The following NUDCD3 variants were observed in gnomAD, a reference collection of about 807,000 sequenced individuals.
The protein encoded by NUDCD3 is nudC domain-containing protein 3.
Under a neutral mutation model 39.7 loss-of-function variants are expected in NUDCD3, and 13 were observed. That is an observed-to-expected ratio of 0.33 (90% CI 0.21 to 0.52). NUDCD3 has a LOEUF of 0.52. Among genes scored for constraint, NUDCD3 ranks in the 20% least tolerant of loss-of-function variants. The pLI is 0.96. For synonymous variants in NUDCD3, 175 were observed against 172.4 expected, an observed-to-expected ratio of 1.02 and a Z score of -0.12; for missense variants, 453 against 458.1, an observed-to-expected ratio of 0.99 and a Z score of 0.10.
chr7:44,384,506 AGACTTCCCAG>A lies in NUDCD3; in HGVS notation c.*1495_*1504del, dbSNP rs1798366764. ...GGAGCAACATGTTTGGACCCACAGA[AGACTTCCCAG>A]GAATGCTTTCTTACAAGGGGTGTCA... On this transcript the variant is annotated 3_prime_UTR_variant, in exon 6 of 6. Coordinates refer to ENST00000355451, the MANE Select transcript of NUDCD3 (RefSeq NM_015332.4). The A allele has an allele frequency of 6.6e-6, 1 of 152,188 alleles. No individual in the cohort carries two copies. Among genetic ancestry groups the A allele is most frequent in the Non-Finnish European group, 1.5e-5 (1 of 68,048 alleles). The allele number at this position is 152,188 out of a possible 1,614,324, so 9.4% of individuals were successfully genotyped here.
At chr7:44,411,827 C>A (rs969897279) in intron 3 of NUDCD3, among the ~76,000 whole-genome samples, 1 of 152,148 alleles carries the variant, frequency 6.6e-6, no homozygotes, top group Non-Finnish European at 1.5e-5. Context: ...AAACATATGT[C>A]CAGAGAACTG....
intron 3 of NUDCD3, among the ~76,000 whole-genome samples, chr7:44,422,932 G>A (rs995887771): frequency 1.1e-4 from 16 of 151,958 alleles, no homozygotes; most frequent in Non-Finnish European, 2.4e-4. Context: ...ACATCAAAAA[G>A]CTTATCTACT....
intron 2 of NUDCD3, among the ~76,000 whole-genome samples, chr7:44,472,696 G>T (rs1800277961): frequency 6.6e-6 from 1 of 152,140 alleles, no homozygotes; most frequent in Non-Finnish European, 1.5e-5. Flanking sequence ...TAGATACAAA[G>T]AATGGAAAAA....
In NUDCD3 at chr7:44,385,549, T is replaced by C. The variant is rs1798387534; in HGVS notation, c.*462A>G. ...AGCCTCAGGCACAGCCATTCCTTGC[T>C]TGCCCTCATGCAAGCACAGAGCTTC... On this transcript the variant is annotated 3_prime_UTR_variant, in exon 6 of 6. Coordinates refer to ENST00000355451, the MANE Select transcript of NUDCD3 (RefSeq NM_015332.4). The C allele has an allele frequency of 6.3e-6, 1 of 159,694 alleles. No individual in the cohort carries two copies. Among genetic ancestry groups the C allele is most frequent in the African/African-American group, 2.4e-5 (1 of 41,534 alleles). The allele number at this position is 159,694 out of a possible 1,614,324, so 9.9% of individuals were successfully genotyped here.
rs1799262194 is a variant in NUDCD3 at position 44,427,580 on chromosome 7, C to T, written c.633G>A (p.Lys211=). 2.5e-6 allele frequency: 4 copies of T among 1,612,730 alleles called. No homozygotes were observed. Among genetic ancestry groups the T allele is most frequent in the South Asian group, 1.1e-5 (1 of 90,864 alleles). ...VRVPVPKHVV[K]GKQVSVALSS... ...CCGCCAAGGCCATTACCTGCTTTCCCTTCACCACGTGCTTGGGTACTGGCA... is the reference window on the plus strand; with the variant it reads ...CCGCCAAGGCCATTACCTGCTTTCCTTTCACCACGTGCTTGGGTACTGGCA... Residue 211 remains lysine (K), a synonymous_variant, in exon 3 of 6, where the codon AAG becomes AAA. Transcript: ENST00000355451.
chr7:44,468,744 C>G (rs918451492), intron 2 of NUDCD3, among the ~76,000 whole-genome samples: 1 of 152,050 alleles, frequency 6.6e-6, no homozygotes, highest in Non-Finnish European at 1.5e-5. Flanking sequence ...CATTCCACAG[C>G]CAGGGCAGGA....
intron 3 of NUDCD3, among the ~76,000 whole-genome samples, chr7:44,425,439 T>A (rs1275075254): frequency 6.6e-6 from 1 of 152,226 alleles, no homozygotes; most frequent in African/African-American, 2.4e-5. Context: ...TATTATGGAT[T>A]TAAATTATGT....
chr7:44,406,370 T>C (rs1197242680), intron 3 of NUDCD3, among the ~76,000 whole-genome samples: 1 of 152,172 alleles, frequency 6.6e-6, no homozygotes, highest in East Asian at 1.9e-4. Context: ...CCCTACCTTC[T>C]AACACCATGA....
chr7:44,431,935 G>A (rs1486116675), intron 2 of NUDCD3, among the ~76,000 whole-genome samples: 1 of 152,080 alleles, frequency 6.6e-6, no homozygotes, highest in African/African-American at 2.4e-5. Context: ...GCCTCCCATA[G>A]TGCTGGGATT....
intron 3 of NUDCD3, among the ~76,000 whole-genome samples, chr7:44,414,258 G>A (rs1798980954): frequency 1.3e-5 from 2 of 152,178 alleles, no homozygotes; most frequent in African/African-American, 4.8e-5. Context: ...GGGGGCAAAA[G>A]CAAAGAACAG....
intron 4 of NUDCD3, among the ~76,000 whole-genome samples, chr7:44,394,197 T>G (rs141702065): frequency 1.3e-5 from 2 of 152,318 alleles, no homozygotes; most frequent in African/African-American, 4.8e-5. Context: ...AAATCTTGTC[T>G]GACATTCCGA....
chr7:44,399,993 T>C (rs1798692235), intron 4 of NUDCD3, among the ~76,000 whole-genome samples: 1 of 152,120 alleles, frequency 6.6e-6, no homozygotes, highest in Non-Finnish European at 1.5e-5. Context: ...GGCATTCACC[T>C]CACATACAGC....
intron 2 of NUDCD3, among the ~76,000 whole-genome samples, chr7:44,455,834 G>A (rs28440114): frequency 2.3e-3 from 353 of 151,474 alleles, no homozygotes; most frequent in African/African-American, 8.2e-3. Flanking sequence ...AGACCATCCC[G>A]GCTAAAACGG....
chr7:44,475,725 C>A (rs985260704), intron 2 of NUDCD3, among the ~76,000 whole-genome samples: 2 of 151,600 alleles, frequency 1.3e-5, no homozygotes, highest in African/African-American at 4.9e-5. Context: ...GCACCGTGCT[C>A]CACTATATTC....
rs866386465 is a variant in NUDCD3 at position 44,447,692 on chromosome 7, G to A, written c.510-19989C>T. 5.3e-5 allele frequency among the ~76,000 whole-genome samples: 8 copies of A among 152,268 alleles called. 1 individual carries two copies. The Middle Eastern group carries it at 0.017, about 324-fold the overall frequency. On this transcript the variant is annotated intron_variant, in intron 2 of 5. Transcript: ENST00000355451. ...AAAATAAAATTTTGTATAAACACCTGCTCTCAAGTATTCTGTTACAGCAGC... is the reference window on the plus strand; with the variant it reads ...AAAATAAAATTTTGTATAAACACCTACTCTCAAGTATTCTGTTACAGCAGC...
Position 44,384,352 on chromosome 7 carries a change from C to T in NUDCD3, c.*1659G>A, listed in dbSNP as rs950865353. 2 of 152,178 alleles carry T rather than the reference C, an allele frequency of 1.3e-5. No homozygotes were observed. Among genetic ancestry groups the T allele is most frequent in the African/African-American group, 4.8e-5 (2 of 41,440 alleles). 9.4% of individuals were successfully genotyped at this position (152,178 alleles called of 1,614,324 possible). A position where few individuals can be genotyped will look rare whatever the true frequency, so the allele number is the denominator to read the frequency against. On this transcript the variant is annotated 3_prime_UTR_variant, in exon 6 of 6. Transcript: ENST00000355451. Reference sequence around the variant, plus strand: ...CTTTCTCAGGACCCCTCATAGATGACAAGAATTCTGCTCCCCAGGGTCGAG... The same window carrying T: ...CTTTCTCAGGACCCCTCATAGATGATAAGAATTCTGCTCCCCAGGGTCGAG...
chr7:44,443,476 T>A (rs1439275453), intron 2 of NUDCD3, among the ~76,000 whole-genome samples: 1 of 152,160 alleles, frequency 6.6e-6, no homozygotes, highest in African/African-American at 2.4e-5. Context: ...AGTGGCGCCA[T>A]CTTGGCTCAC....
chr7:44,456,797 T>A (rs1799912014), intron 2 of NUDCD3, among the ~76,000 whole-genome samples: 1 of 151,904 alleles, frequency 6.6e-6, no homozygotes, highest in African/African-American at 2.4e-5. Context: ...AGGGTCAAAC[T>A]GTAAGCTAGA....
chr7:44,458,936 CTGTGTGTGTGTGTGTGTGTG>C (rs55947411), intron 2 of NUDCD3, among the ~76,000 whole-genome samples: 1,639 of 116,126 alleles, frequency 0.014, 17 homozygotes, highest in Middle Eastern at 0.024. Context: ...ACGGGGAGTG[CTGTGTGTGTGTGTGTGTGTG>C]TGTGTGTGTG....
Sources: gnomAD v4.1 joint callset for allele counts (sites outside exome capture counted in the v4.1 genomes callset) on GRCh38, gnomAD v4.1.1 for gene constraint, MANE v1.5 for transcripts, NCBI Gene and HGNC (gene_info 2026-07-23, HGNC 2026-07-21) for gene names.